The following SPNS2 variants were observed in gnomAD, a reference collection of about 807,000 sequenced individuals.
SPNS2 encodes the protein SPNS lysolipid transporter 2, sphingosine-1-phosphate.
Under a neutral mutation model 57.6 loss-of-function variants are expected in SPNS2, and 37 were observed. That is an observed-to-expected ratio of 0.64 (90% confidence interval 0.49 to 0.85). SPNS2 has a LOEUF of 0.85. Among genes scored for constraint, SPNS2 ranks in the 40% least tolerant of loss-of-function variants. SPNS2 has a pLI of 0.00. For synonymous variants in SPNS2, 440 were observed against 346.9 expected (o/e 1.27, Z -2.98); for missense variants, 831 against 779.1 (o/e 1.07, Z -0.79).
intron 3 of SPNS2, among the ~76,000 whole-genome samples, chr17:4,530,297 A>C (rs1424390161): frequency 1.3e-5 from 2 of 152,172 alleles, no homozygotes; most frequent in African/African-American, 2.4e-5. Flanking sequence ...GGGGTCTCCC[A>C]GTTGGTGGAG....
rs145587766 is a variant in SPNS2 at position 4,534,416 on chromosome 17, C to T, written c.1344+563C>T. 1,028 of 170,304 alleles carry T rather than the reference C, an allele frequency of 6.0e-3. 12 individuals are homozygous for T. Among genetic ancestry groups the T allele is most frequent in the African/African-American group, 0.023 (951 of 42,260 alleles). 10.5% of individuals were successfully genotyped at this position (170,304 alleles called of 1,614,324 possible). On this transcript the variant is annotated intron_variant, in intron 9 of 12. Coordinates refer to ENST00000329078, the MANE Select transcript of SPNS2 (RefSeq NM_001124758.3). Reference sequence around the variant, plus strand: ...AGCTAGGAGTTCATGGCCCTCTGGGCGTGGCAGGGGTGAGTGTGACACTTG... The same window carrying T: ...AGCTAGGAGTTCATGGCCCTCTGGGTGTGGCAGGGGTGAGTGTGACACTTG...
Position 4,499,202 on chromosome 17 carries a change from C to G in SPNS2, c.155C>G (p.Ala52Gly). ...ARGAGGAGVS[A>G]AGDEVQTLSG... ...GGCGCGGGCGGCGCTGGAGTCTCGG[C>G]CGCGGGCGATGAGGTGCAGACGCTG... Residue 52 changes from alanine to glycine, a missense_variant, in exon 1 of 13, where the codon GCC becomes GGC. Ala to Gly is a moderately conservative substitution (Grantham distance 60). Around this residue, in one of 2 missense-constraint regions of SPNS2, gnomAD observed 305 missense variants for 378.3 expected, o/e 0.81. Transcript: ENST00000329078. This position sits in a 1 kb window ranked among gnomAD's most constrained non-coding sequence, Gnocchi z 5.2. 1 of 1,386,198 alleles carries G rather than the reference C, an allele frequency of 7.2e-7. No individual in the cohort carries two copies. The highest frequency in any genetic ancestry group is 1.5e-5 in the African/African-American group (1 of 66,294). The allele number at this position is 1,386,198 out of a possible 1,614,324, so 85.9% of individuals were successfully genotyped here.
At chr17:4,536,805 G>A (rs778998975) in intron 11 of SPNS2, 95 bp from the exon 12 acceptor site, 154 of 1,044,666 alleles carry the variant, frequency 1.5e-4, no homozygotes, top group Non-Finnish European at 1.7e-4. Context: ...CAGCACCTCC[G>A]GTCAGCTGGC....
rs1905963138 is a variant in SPNS2, at chr17:4,538,041, C to T, written c.*593C>T. The T allele has an allele frequency of 5.7e-6, 2 of 351,272 alleles. No individual in the cohort carries two copies. The highest frequency in any genetic ancestry group is 2.1e-5 in the African/African-American group (1 of 46,654). 21.8% of individuals were successfully genotyped at this position (351,272 alleles called of 1,614,324 possible). On this transcript the variant is annotated 3_prime_UTR_variant, in exon 13 of 13. Transcript: ENST00000329078. ...GGCAAATGAAGCTGGGCGCCCAAGT[C>T]TCTGGGTACTCCCTGGAGGACACTG... is the stretch of plus-strand genomic sequence containing the variant.
chr17:4,534,417 G>C (rs75154008), intron 9 of SPNS2: 1 of 170,528 alleles, frequency 5.9e-6, no homozygotes, highest in East Asian at 1.5e-4. Flanking sequence ...CCCTCTGGGC[G>C]TGGCAGGGGT....
chr17:4,534,490 A>G (rs111981335), intron 9 of SPNS2: 1 of 155,554 alleles, frequency 6.4e-6, no homozygotes, highest in African/African-American at 2.4e-5. Context: ...GGGACAGGAG[A>G]GAGTGTCTGG....
chr17:4,531,470 T>C (rs1905470872), intron 5 of SPNS2, among the ~76,000 whole-genome samples: 2 of 152,088 alleles, frequency 1.3e-5, no homozygotes, highest in South Asian at 4.2e-4. Context: ...CCTGGCGCTG[T>C]GCTAGGGTAA....
At chr17:4,536,749 CCCCTGGGCTCT>C (rs1905837852) in intron 11 of SPNS2, 140 bp from the exon 12 acceptor site, 8 of 705,968 alleles carry the variant, frequency 1.1e-5, no homozygotes, top group South Asian at 9.3e-5. Context: ...CCTCTCCCCA[CCCCTGGGCTCT>C]CCCATCTCCC....
Position 4,532,681 on chromosome 17 carries a change from G to C in SPNS2, c.932G>C (p.Arg311Pro). 3 of 1,613,704 alleles carry C rather than the reference G, an allele frequency of 1.9e-6. No homozygotes were observed. Among genetic ancestry groups the C allele is most frequent in the Non-Finnish European group, 2.5e-6 (3 of 1,179,858 alleles). ...SWLRDMKALIRNRSYVFSSLA... is the reference protein window; with the variant it reads ...SWLRDMKALIPNRSYVFSSLA... ...CTCCGAGATATGAAGGCCCTGATTCGAAAGTGAGTACCGCGGGAAGGGGTC... is the reference window on the plus strand; with the variant it reads ...CTCCGAGATATGAAGGCCCTGATTCCAAAGTGAGTACCGCGGGAAGGGGTC... Residue 311 changes from arginine (R) to proline (P), a missense_variant, in exon 6 of 13, where the codon CGA becomes CCA. Physicochemically the swap from Arg to Pro is moderately radical, Grantham distance 103. Around this residue, in one of 2 missense-constraint regions of SPNS2, gnomAD observed 526 missense variants for 400.9 expected, o/e 1.31. Transcript: ENST00000329078.
intron 1 of SPNS2, among the ~76,000 whole-genome samples, chr17:4,502,205 C>CA (rs905414824): frequency 1.3e-5 from 2 of 151,890 alleles, no homozygotes; most frequent in African/African-American, 4.8e-5. Context: ...GTGAAACCCC[C>CA]CATCTCTACT....
At chr17:4,534,831 G>A (rs866620380) in intron 9 of SPNS2, among the ~76,000 whole-genome samples, 47 of 152,216 alleles carry the variant, frequency 3.1e-4, no homozygotes, top group Middle Eastern at 3.4e-3. Flanking sequence ...AGTCCGTGCA[G>A]ATTAAGTGCT....
Position 4,499,670 on chromosome 17 carries a change from G to C in SPNS2, c.370+253G>C, listed in dbSNP as rs576770421. The C allele has an allele frequency of 8.6e-5, 30 of 349,868 alleles. No individual in the cohort carries two copies. In the East Asian group the frequency reaches 1.2e-3, roughly 14 times the overall value. The allele number at this position is 349,868 out of a possible 1,614,324, so 21.7% of individuals were successfully genotyped here. A position where few individuals can be genotyped will look rare whatever the true frequency, so the allele number is the denominator to read the frequency against. ...GGAGTCCCCACCCCTGGAGCAGCCCGCGCGTCCTCTCCAGCCCTTGACGGC... is the reference window on the plus strand; with the variant it reads ...GGAGTCCCCACCCCTGGAGCAGCCCCCGCGTCCTCTCCAGCCCTTGACGGC... On this transcript the variant is annotated intron_variant, in intron 1 of 12. Coordinates refer to ENST00000329078, the MANE Select transcript of SPNS2 (RefSeq NM_001124758.3). This position sits in a 1 kb window ranked among gnomAD's most constrained non-coding sequence, Gnocchi z 5.2.
rs183074870 is a variant in SPNS2, at chr17:4,536,388, G to T, written c.1569G>T (p.Ala523=). The T allele has an allele frequency of 1.2e-6, 2 of 1,606,904 alleles. No homozygotes were observed. The highest frequency in any genetic ancestry group is 1.3e-5 in the African/African-American group (1 of 75,006). Residue 523 remains alanine, a synonymous_variant, in exon 11 of 13, where the codon GCG becomes GCT. Coordinates refer to ENST00000329078, the MANE Select transcript of SPNS2 (RefSeq NM_001124758.3). The part of the protein sequence containing the change: ...VLGGMFFLAT[A]LFFVSDRARA... ...GCGGCATGTTCTTCCTCGCCACTGC[G>T]CTCTTCTTCGTCAGCGACCGCGCCA...
chr17:4,532,496 C>A, intron 5 of SPNS2, 46 bp from the exon 6 acceptor site: 1 of 1,613,658 alleles, frequency 6.2e-7, no homozygotes, highest in Non-Finnish European at 8.5e-7. Context: ...GCAGCAGGGA[C>A]GAGGCTCACT....
intron 11 of SPNS2, 65 bp downstream of exon 11, chr17:4,536,491 G>C: frequency 1.9e-6 from 3 of 1,543,826 alleles, no homozygotes; most frequent in Non-Finnish European, 2.6e-6. Context: ...TAGCCACCGT[G>C]AGCCCTGCCC....
In SPNS2 at chr17:4,536,141, G is replaced by A. The variant is rs376355327; in HGVS notation, c.1410G>A (p.Leu470=). The change falls in exon 10 of 13, where the codon CTG becomes CTA. Residue 470 remains leucine (L), a synonymous_variant. Coordinates refer to ENST00000329078, the MANE Select transcript of SPNS2 (RefSeq NM_001124758.3). ...VALQSFTSHL[L]GDAGSPYLIG... is the part of the protein sequence containing the mutation. ...TGCAGAGCTTCACCTCCCACCTGCTGGGGGACGCCGGGAGCCCCTACCTCA... is the reference window on the plus strand; with the variant it reads ...TGCAGAGCTTCACCTCCCACCTGCTAGGGGACGCCGGGAGCCCCTACCTCA... The A allele has an allele frequency of 5.0e-6, 8 of 1,612,420 alleles. No homozygotes were observed. The highest frequency in any genetic ancestry group is 6.8e-6 in the Non-Finnish European group (8 of 1,179,862).
In SPNS2 at chr17:4,536,171, C is replaced by CT. The variant is rs778938695; in HGVS notation, c.1443dup (p.Ile482TyrfsTer10). On this transcript the variant is annotated frameshift_variant, in exon 10 of 13. Coordinates refer to ENST00000329078, the MANE Select transcript of SPNS2 (RefSeq NM_001124758.3). LOFTEE classifies it high-confidence loss of function. ...ACGCCGGGAGCCCCTACCTCATTGG[C>CT]TTTGTGAGTAGCCCCGGGGTGGGGC... 6.2e-7 allele frequency: 1 copy of CT among 1,611,630 alleles called. No individual in the cohort carries two copies. The highest frequency in any genetic ancestry group is 1.7e-5 in the Admixed American group (1 of 59,964).
At chr17:4,528,556 C>T (rs1905331830) in intron 3 of SPNS2, among the ~76,000 whole-genome samples, 2 of 151,008 alleles carry the variant, frequency 1.3e-5, no homozygotes, top group South Asian at 4.2e-4. Flanking sequence ...TCTGCCACCC[C>T]CTCCTCCACC....
intron 5 of SPNS2, among the ~76,000 whole-genome samples, chr17:4,532,338 G>A (rs950300822): frequency 2.0e-5 from 3 of 152,114 alleles, no homozygotes; most frequent in Non-Finnish European, 4.4e-5. Context: ...CCCCTGGTCT[G>A]GACAGGCCAT....
Sources: gnomAD v4.1 joint callset for allele counts (sites outside exome capture counted in the v4.1 genomes callset) on GRCh38, gnomAD v4.1.1 for gene constraint, gnomAD v4.1.1 regional missense constraint, Gnocchi (gnomAD v3.1) non-coding constraint, MANE v1.5 for transcripts, NCBI Gene and HGNC (gene_info 2026-07-23, HGNC 2026-07-21) for gene names.